Variants in LGR6 observed in about 807,000 individuals in gnomAD.
LGR6 encodes leucine rich repeat containing G protein-coupled receptor 6, also known as leucine-rich repeat-containing G protein-coupled receptor 6.
A neutral mutation model predicts 69.4 loss-of-function variants in LGR6; 45 were observed. The ratio of observed to expected loss-of-function variants is 0.65; its 90% CI spans 0.51 to 0.83. LGR6 has a LOEUF of 0.83. LGR6 is among the 40% of genes least tolerant of loss of function. The pLI is 0.00. For missense variants in LGR6, 1,108 were observed against 1,246.7 expected (o/e 0.89, Z 1.68); for synonymous variants, 538 against 555.0 (o/e 0.97, Z 0.43).
At position 202,305,698 on chromosome 1, in the gene LGR6, A is replaced by G. The variant is rs551458925; in HGVS notation, c.1085A>G (p.Asn362Ser). The G allele has an allele frequency of 1.9e-5, 30 of 1,613,874 alleles. No individual in the cohort carries two copies. The highest frequency in any genetic ancestry group is 2.4e-5 in the Non-Finnish European group (28 of 1,179,986). The change falls in exon 12 of 18, where the codon AAT becomes AGT. Residue 362 changes from asparagine (N) to serine (S), a missense_variant. Physicochemically the swap from Asn to Ser is conservative, Grantham distance 46. Transcript: ENST00000367278. The stretch of plus-strand genomic sequence containing the variant: ...CTTTTCCCCAGGGAACTGTCTCACA[A>G]TCAAATTGAGGAGCTGCCCAGCCTG... ...PRLRVLELSH[N>S]QIEELPSLHR...
intron 1 of LGR6, chr1:202,214,143 C>T: frequency 1.3e-6 from 2 of 1,490,770 alleles, no homozygotes; most frequent in Non-Finnish European, 1.8e-6. Flanking sequence ...ACTCGAGGTC[C>T]CAGGGGCCGG....
At chr1:202,260,478 C>CT (rs1324191490) in intron 4 of LGR6, among the ~76,000 whole-genome samples, 1 of 152,140 alleles carries the variant, frequency 6.6e-6, no homozygotes, top group Non-Finnish European at 1.5e-5. Context: ...GGACTACAGG[C>CT]ATGTGTCTCC....
intron 1 of LGR6, among the ~76,000 whole-genome samples, chr1:202,222,123 CCCA>C (rs1358444618): frequency 1.3e-5 from 2 of 152,218 alleles, no homozygotes; most frequent in Non-Finnish European, 2.9e-5. Flanking sequence ...CCTTGAAATC[CCCA>C]CTTCACCTCC....
intron 5 of LGR6, among the ~76,000 whole-genome samples, chr1:202,277,749 G>A (rs1047462149): frequency 1.3e-5 from 2 of 150,236 alleles, no homozygotes; most frequent in African/African-American, 4.9e-5. Context: ...AATAACAAAT[G>A]ATGTAGTGAA....
At chr1:202,202,568 T>C (rs1215075264) in intron 1 of LGR6, among the ~76,000 whole-genome samples, 1 of 152,260 alleles carries the variant, frequency 6.6e-6, no homozygotes, top group Non-Finnish European at 1.5e-5. Context: ...TCTCAGCTTC[T>C]GTTTTCTTGC....
Position 202,204,342 on chromosome 1 carries a change from C to CCA in LGR6, c.212+10153_212+10154dup, listed in dbSNP as rs1387410026. Among the ~76,000 whole-genome samples, 169 of 131,312 alleles carry CCA rather than the reference C, an allele frequency of 1.3e-3. 2 individuals are homozygous for CCA. Among genetic ancestry groups the CCA allele is most frequent in the East Asian group, 0.011 (44 of 4,188 alleles). 86.1% of individuals were successfully genotyped at this position (131,312 alleles called of 152,430 possible). ...ACACCTCCTCCTAACACACACACCT[C>CCA]CACACACACACACCTCCACACACAC... On this transcript the variant is annotated intron_variant, in intron 1 of 17. Transcript: ENST00000367278.
chr1:202,301,019 G>C (rs1558074995), intron 8 of LGR6, 99 bp downstream of exon 8: 1 of 1,309,000 alleles, frequency 7.6e-7, no homozygotes. Flanking sequence ...GAAGCACCAG[G>C]GAGGCAGAAG....
chr1:202,230,187 G>A (rs1413148638), intron 3 of LGR6, among the ~76,000 whole-genome samples: 1 of 152,108 alleles, frequency 6.6e-6, no homozygotes, highest in African/African-American at 2.4e-5. Context: ...ATTAAATAAA[G>A]AGGATTCCCT....
intron 1 of LGR6, among the ~76,000 whole-genome samples, chr1:202,219,735 A>G (rs1267912630): frequency 2.0e-5 from 3 of 152,242 alleles, no homozygotes; most frequent in Non-Finnish European, 4.4e-5. Context: ...GAGGATACAC[A>G]GATGACTAAG....
At chr1:202,307,094 C>T (rs1653295138) in intron 13 of LGR6, among the ~76,000 whole-genome samples, 155 bp downstream of exon 13, 1 of 152,224 alleles carries the variant, frequency 6.6e-6, no homozygotes, top group South Asian at 2.1e-4. Context: ...CACACACACA[C>T]TTCTCTAGCT....
chr1:202,194,515 G>A, intron 1 of LGR6: 2 of 648,226 alleles, frequency 3.1e-6, no homozygotes, highest in Non-Finnish European at 3.0e-6. Flanking sequence ...GGGGCTGGCT[G>A]CTCCATCTCC....
At chr1:202,237,547 A>T (rs1661683173) in intron 4 of LGR6, among the ~76,000 whole-genome samples, 1 of 152,214 alleles carries the variant, frequency 6.6e-6, no homozygotes, top group Non-Finnish European at 1.5e-5. Context: ...TGAATCACAT[A>T]TTCTGAGTTC....
At chr1:202,303,389 T>G (rs751982121) in intron 10 of LGR6, 42 bp downstream of exon 10, 1 of 1,510,644 alleles carries the variant, frequency 6.6e-7, no homozygotes, top group Non-Finnish European at 9.2e-7. Flanking sequence ...TCGCCCCAGC[T>G]TCATTCCCAA....
rs1661254978 is a variant in LGR6 at position 202,233,372 on chromosome 1, T to C, written c.357-2550T>C. On this transcript the variant is annotated intron_variant, in intron 3 of 17. Transcript: ENST00000367278. ...TGGGCCCCTGGAGGGGTGGGGCCTG[T>C]GAAGAGGCATGAGCAGCCTGCGACC... is the stretch of plus-strand genomic sequence containing the variant. Among the ~76,000 whole-genome samples, 4 of 152,114 alleles carry C rather than the reference T, an allele frequency of 2.6e-5. No individual in the cohort carries two copies. In the South Asian group the frequency reaches 8.3e-4, roughly 32 times the overall value.
chr1:202,236,732 G>C (rs554077704), intron 4 of LGR6, among the ~76,000 whole-genome samples: 2 of 152,190 alleles, frequency 1.3e-5, no homozygotes, highest in Non-Finnish European at 2.9e-5. Flanking sequence ...CGATGGGAGA[G>C]TGAACAGATA....
chr1:202,221,024 T>A (rs1287533905), intron 1 of LGR6, among the ~76,000 whole-genome samples: 1 of 152,152 alleles, frequency 6.6e-6, no homozygotes, highest in African/African-American at 2.4e-5. Flanking sequence ...ACTGGCCTTT[T>A]CCTGGCTGCA....
At chr1:202,295,873 GTGT>G in intron 6 of LGR6, among the ~76,000 whole-genome samples, 1 of 5,514 alleles carries the variant, frequency 1.8e-4, no homozygotes, top group Non-Finnish European at 4.9e-4. Flanking sequence ...GGTAATTAGT[GTGT>G]GTGTGTGTGT....
intron 1 of LGR6, among the ~76,000 whole-genome samples, chr1:202,200,746 C>T (rs774082962): frequency 3.3e-5 from 5 of 152,176 alleles, no homozygotes; most frequent in Non-Finnish European, 7.3e-5. Flanking sequence ...GCCCTTCAGA[C>T]ATGGGAGAAC....
intron 12 of LGR6, among the ~76,000 whole-genome samples, chr1:202,306,165 G>T (rs1163225029): frequency 6.6e-6 from 1 of 152,182 alleles, no homozygotes; most frequent in African/African-American, 2.4e-5. Flanking sequence ...ACACGCACAT[G>T]CATATGTGTG....
Sources: allele counts gnomAD v4.1 joint callset (sites outside exome capture counted in the v4.1 genomes callset), GRCh38; gene constraint gnomAD v4.1.1; transcripts MANE v1.5; gene names NCBI Gene and HGNC (gene_info 2026-07-23, HGNC 2026-07-21).